The following NRCAM variants were observed in gnomAD, a reference collection of about 807,000 sequenced individuals.
NRCAM encodes the protein NgCAM-related cell adhesion molecule.
Under a neutral mutation model 156.5 loss-of-function variants are expected in NRCAM, and 83 were observed. The ratio of observed to expected loss-of-function variants is 0.53; its 90% CI spans 0.44 to 0.64. NRCAM has a LOEUF of 0.64. Among genes scored for constraint, NRCAM ranks in the 30% least tolerant of loss-of-function variants. The pLI is 0.00. For synonymous variants in NRCAM, 538 were observed against 563.9 expected (o/e 0.95, Z 0.65); for missense variants, 1,417 against 1,597.3 (o/e 0.89, Z 1.92).
intron 4 of NRCAM, 31 bp from the exon 5 acceptor site, chr7:108,237,800 G>A (rs766495123): frequency 1.3e-6 from 2 of 1,560,272 alleles, no homozygotes; most frequent in South Asian, 1.2e-5. Context: ...GCAGGTAAGT[G>A]GGCAAAGAGG....
chr7:108,349,792 C>T (rs2099398514), intron 2 of NRCAM, among the ~76,000 whole-genome samples: 1 of 152,156 alleles, frequency 6.6e-6, no homozygotes, highest in Non-Finnish European at 1.5e-5. Flanking sequence ...GACCCATCTC[C>T]TTGTTTCCAC....
At chr7:108,438,987 T>C (rs960614085) in intron 1 of NRCAM, among the ~76,000 whole-genome samples, 1 of 152,144 alleles carries the variant, frequency 6.6e-6, no homozygotes, top group Non-Finnish European at 1.5e-5. Flanking sequence ...TCTAAATAAA[T>C]AGACATTAAA....
chr7:108,173,188 G>C (rs1170456878), intron 28 of NRCAM, among the ~76,000 whole-genome samples: 5 of 151,896 alleles, frequency 3.3e-5, no homozygotes, highest in Non-Finnish European at 5.9e-5. Context: ...GTTTCATCAT[G>C]CTGGCCAGGC....
At chr7:108,397,013 AG>A (rs2099778613) in intron 2 of NRCAM, among the ~76,000 whole-genome samples, 1 of 152,342 alleles carries the variant, frequency 6.6e-6, no homozygotes, top group South Asian at 2.1e-4. Context: ...GATTAACCAA[AG>A]CAAGTGTCAT....
rs184941434 is a variant in NRCAM at position 108,197,164 on chromosome 7, T to C, written c.1351+792A>G. Among the ~76,000 whole-genome samples the C allele has an allele frequency of 3.9e-5, 6 of 152,310 alleles. No individual in the cohort carries two copies. In the East Asian group the frequency reaches 1.2e-3, roughly 29 times the overall value. On this transcript the variant is annotated intron_variant, in intron 14 of 32. Transcript: ENST00000379028. ...CCTTAAATGTAAAATCTAAAAATGCTGAACTCATAAAAGTAGAGATGAAAA... is the reference window on the plus strand; with the variant it reads ...CCTTAAATGTAAAATCTAAAAATGCCGAACTCATAAAAGTAGAGATGAAAA...
chr7:108,231,399 A>C (rs545407670), intron 7 of NRCAM, among the ~76,000 whole-genome samples: 1 of 152,326 alleles, frequency 6.6e-6, no homozygotes, highest in East Asian at 1.9e-4. Context: ...CTGAGAATTT[A>C]TACTACATAC....
At chr7:108,363,955 T>C (rs1341382862) in intron 2 of NRCAM, among the ~76,000 whole-genome samples, 2 of 152,066 alleles carry the variant, frequency 1.3e-5, no homozygotes, top group African/African-American at 2.4e-5. Context: ...CTAGATAGGA[T>C]CCTGGGACAG....
chr7:108,300,127 T>C (rs2154148300), intron 3 of NRCAM, among the ~76,000 whole-genome samples: 1 of 140,726 alleles, frequency 7.1e-6, no homozygotes, highest in Admixed American at 7.2e-5. Context: ...ACTGCCTACA[T>C]ACAAATGTAA....
At chr7:108,152,844 T>G (rs1466485114) in intron 32 of NRCAM, among the ~76,000 whole-genome samples, 1 of 151,938 alleles carries the variant, frequency 6.6e-6, no homozygotes, top group East Asian at 1.9e-4. Flanking sequence ...TGGACCAGAG[T>G]GGAACACTGG....
intron 1 of NRCAM, among the ~76,000 whole-genome samples, chr7:108,442,327 A>T (rs989782673): frequency 1.3e-5 from 2 of 152,174 alleles, no homozygotes; most frequent in African/African-American, 4.8e-5. Flanking sequence ...TCACAGGTGT[A>T]TAACACATGC....
chr7:108,231,969 C>A (rs2094393229), intron 7 of NRCAM, among the ~76,000 whole-genome samples: 1 of 152,102 alleles, frequency 6.6e-6, no homozygotes, highest in Non-Finnish European at 1.5e-5. Context: ...AGCATTTAGA[C>A]CTTGATCACC....
At chr7:108,232,185 A>G (rs1589301795) in intron 7 of NRCAM, 141 bp downstream of exon 7, 1 of 624,252 alleles carries the variant, frequency 1.6e-6, no homozygotes, top group African/African-American at 1.9e-5. Flanking sequence ...GAAAGGAGCA[A>G]TAACTTTCAT....
At chr7:108,281,043 C>T (rs1465310289) in intron 3 of NRCAM, among the ~76,000 whole-genome samples, 2 of 152,086 alleles carry the variant, frequency 1.3e-5, no homozygotes, top group Non-Finnish European at 2.9e-5. Context: ...TTTGGTATAA[C>T]ACAATAAATA....
intron 2 of NRCAM, among the ~76,000 whole-genome samples, chr7:108,370,878 G>A (rs914520478): frequency 5.3e-5 from 7 of 133,260 alleles, no homozygotes; most frequent in South Asian, 2.5e-4. Context: ...TATACTTGCC[G>A]TCATATTAAT....
intron 3 of NRCAM, among the ~76,000 whole-genome samples, chr7:108,256,940 T>C (rs1342233262): frequency 1.5e-5 from 2 of 135,390 alleles, no homozygotes; most frequent in Admixed American, 1.6e-4. Context: ...ACCCGGGAGG[T>C]GGAGGTTGCA....
At chr7:108,321,206 C>T (rs1179585762) in intron 2 of NRCAM, among the ~76,000 whole-genome samples, 4 of 152,190 alleles carry the variant, frequency 2.6e-5, no homozygotes, top group African/African-American at 9.7e-5. Context: ...AGGGAACGTT[C>T]CCAAGGATGC....
chr7:108,341,508 C>T (rs972000315), intron 2 of NRCAM, among the ~76,000 whole-genome samples: 5 of 152,186 alleles, frequency 3.3e-5, no homozygotes, highest in Non-Finnish European at 7.3e-5. Flanking sequence ...AGCCCCACTC[C>T]CTTGTTAGGG....
chr7:108,214,696 G>C (rs1220709134), intron 11 of NRCAM, among the ~76,000 whole-genome samples: 1 of 151,940 alleles, frequency 6.6e-6, no homozygotes, highest in Non-Finnish European at 1.5e-5. Context: ...GTGATGTTAG[G>C]GTATCAAATT....
intron 3 of NRCAM, among the ~76,000 whole-genome samples, chr7:108,302,061 A>T (rs2098632152): frequency 6.6e-6 from 1 of 151,980 alleles, no homozygotes; most frequent in African/African-American, 2.4e-5. Context: ...TACAAAAAAA[A>T]AAACCCACAA....
Sources: allele counts gnomAD v4.1 joint callset (sites outside exome capture counted in the v4.1 genomes callset), GRCh38; gene constraint gnomAD v4.1.1; transcripts MANE v1.5; gene names NCBI Gene and HGNC (gene_info 2026-07-23, HGNC 2026-07-21).